ALG13: variants seen among roughly 807,000 people sequenced by gnomAD.
The protein encoded by ALG13 is ALG13 UDP-N-acetylglucosaminyltransferase subunit.
A neutral mutation model predicts 87.8 loss-of-function variants in ALG13; 11 were observed. The ratio of observed to expected loss-of-function variants is 0.13; its 90% CI spans 0.08 to 0.21. ALG13 has a LOEUF of 0.21. ALG13 is among the 10% of genes least tolerant of loss of function. The probability of loss-of-function intolerance (pLI) is 1.00; values close to 1 mark genes in which losing one functional copy is unlikely to be tolerated. For synonymous variants in ALG13, 320 were observed against 306.3 expected, an observed-to-expected ratio of 1.04 and a Z score of -0.47; for missense variants, 756 against 866.1, an observed-to-expected ratio of 0.87 and a Z score of 1.60.
intron 8 of ALG13, among the ~76,000 whole-genome samples, chrX:111,716,756 A>T (rs149925014): frequency 8.9e-6 from 1 of 111,771 alleles, no homozygotes; most frequent in East Asian, 2.8e-4. Context: ...TAGCCCAGGG[A>T]AGAGTAGGAA....
chrX:111,735,786 G>T (rs1346146773), intron 22 of ALG13, among the ~76,000 whole-genome samples: 1 of 110,917 alleles, frequency 9.0e-6, no homozygotes, highest in Non-Finnish European at 1.9e-5. Flanking sequence ...GTGGGTAGCA[G>T]CCACACTGCA....
In ALG13 at chrX:111,727,454, T is replaced by C. The variant is rs1326640982; in HGVS notation, c.2090+9T>C. 2.6e-6 allele frequency: 3 copies of C among 1,173,252 alleles called. No homozygotes were observed. Among genetic ancestry groups the C allele is most frequent in the South Asian group, 3.7e-5 (2 of 53,756 alleles). Reference sequence around the variant, plus strand: ...TTCTCTTATAGATCTCGGTAAGTATTGTGTTGAAAGTCAGAGAAAATTGGT... The same window carrying C: ...TTCTCTTATAGATCTCGGTAAGTATCGTGTTGAAAGTCAGAGAAAATTGGT... On this transcript the variant is annotated intron_variant, in intron 17 of 26. Transcript: ENST00000394780.
In ALG13 at chrX:111,681,208, G is replaced by A. The variant is rs776080960; in HGVS notation, c.-11G>A. The A allele has an allele frequency of 3.3e-6, 4 of 1,210,661 alleles. No individual in the cohort carries two copies. Among genetic ancestry groups the A allele is most frequent in the South Asian group, 1.8e-5 (1 of 56,970 alleles). On this transcript the variant is annotated 5_prime_UTR_variant, in exon 1 of 27. Transcript: ENST00000394780. ...CCGGCCCTTGCGATCAGGGCTTGAG[G>A]AACCCGCGCCATGAAGTGCGTGTTT...
chrX:111,758,027 G>T (rs1945423740), intron 26 of ALG13, among the ~76,000 whole-genome samples: 1 of 111,371 alleles, frequency 9.0e-6, no homozygotes, highest in African/African-American at 3.3e-5. Context: ...GGGTAAAACT[G>T]CTGACACCTA....
intron 21 of ALG13, among the ~76,000 whole-genome samples, chrX:111,731,443 A>G (rs1039306227): frequency 8.9e-6 from 1 of 112,046 alleles, no homozygotes; most frequent in Admixed American, 9.4e-5. Context: ...AAGGGCCCCC[A>G]ACATACTCAT....
At position 111,736,822 on chromosome X, in the gene ALG13, T is replaced by C. The variant is rs1332921845; in HGVS notation, c.2638T>C (p.Ser880Pro). The change falls in exon 23 of 27, where the codon TCC becomes CCC. Residue 880 changes from serine to proline, a missense_variant. Ser to Pro is a moderately conservative substitution (Grantham distance 74). Coordinates refer to ENST00000394780, the MANE Select transcript of ALG13 (RefSeq NM_001099922.3). ...TCAAGCTATTAGTACCACTTCAGTT[T>C]CCTCACAGAATGCTATACAGCCTCT... The part of the protein sequence containing the change: ...ANQAISTTSV[S>P]SQNAIQPLFV... 2.9e-5 allele frequency: 35 copies of C among 1,211,147 alleles called. No individual in the cohort carries two copies. The highest frequency in any genetic ancestry group is 3.9e-5 in the Non-Finnish European group (35 of 895,059).
chrX:111,698,108 G>T (rs983446402), intron 3 of ALG13, among the ~76,000 whole-genome samples: 1 of 112,016 alleles, frequency 8.9e-6, no homozygotes, highest in Non-Finnish European at 1.9e-5. Context: ...CTCTGTTCCT[G>T]CTTCTTATAG....
At chrX:111,716,148 A>G (rs1358159021) in intron 8 of ALG13, among the ~76,000 whole-genome samples, 1 of 111,418 alleles carries the variant, frequency 9.0e-6, no homozygotes, top group Non-Finnish European at 1.9e-5. Flanking sequence ...TTAAATGTAA[A>G]TGGGCCCATA....
chrX:111,690,129 A>G, intron 3 of ALG13: 2 of 752,110 alleles, frequency 2.7e-6, no homozygotes, highest in Non-Finnish European at 3.1e-6. Flanking sequence ...ATTAATCACC[A>G]CATTTACATC....
chrX:111,718,416 TGGG>T (rs1940933904), intron 10 of ALG13, 142 bp downstream of exon 10: 2 of 519,270 alleles, frequency 3.9e-6, no homozygotes, highest in South Asian at 4.4e-5. Flanking sequence ...ATATTTTTAA[TGGG>T]GGGAGAGTTT....
chrX:111,697,612 A>G (rs928996530), intron 3 of ALG13, among the ~76,000 whole-genome samples: 1 of 112,175 alleles, frequency 8.9e-6, no homozygotes, highest in Admixed American at 9.4e-5. Context: ...GGACAGTATT[A>G]AATACCTTGA....
chrX:111,757,601 G>A lies in ALG13; in HGVS notation c.2987G>A (p.Ser996Asn), dbSNP rs774470325. 25 of 1,199,180 alleles carry A rather than the reference G, an allele frequency of 2.1e-5. No individual in the cohort carries two copies. The highest frequency in any genetic ancestry group is 2.6e-5 in the Non-Finnish European group (23 of 891,272). The change falls in exon 26 of 27, where the codon AGC becomes AAC. Residue 996 changes from serine to asparagine, a missense_variant. Physicochemically the swap from Ser to Asn is conservative, Grantham distance 46. This residue lies in a region of ALG13 where 7 missense variants were observed against 28.9 expected (regional missense o/e 0.24). Coordinates refer to ENST00000394780, the MANE Select transcript of ALG13 (RefSeq NM_001099922.3). ...FNLGLQCYYH[S>N]YWHSMVYVPQ... is the part of the protein sequence containing the mutation. ...TTCTTGCTCAAGTGCTATTACCACA[G>A]CTACTGGCACTCCATGGTCTATGTG...
At chrX:111,746,663 T>C (rs1944266200) in intron 24 of ALG13, among the ~76,000 whole-genome samples, 1 of 112,367 alleles carries the variant, frequency 8.9e-6, no homozygotes, top group Admixed American at 9.4e-5. Flanking sequence ...TAGAAGTCTT[T>C]GTAAACAGAT....
At chrX:111,756,451 G>T (rs1007583107) in intron 25 of ALG13, among the ~76,000 whole-genome samples, 6 of 111,736 alleles carry the variant, frequency 5.4e-5, no homozygotes, top group African/African-American at 2.0e-4. Flanking sequence ...GCACTCATGT[G>T]TTCATAGATG....
chrX:111,708,041 C>T lies in ALG13; in HGVS notation c.398C>T (p.Pro133Leu). The T allele has an allele frequency of 1.7e-6, 2 of 1,208,546 alleles. No individual in the cohort carries two copies. Among genetic ancestry groups the T allele is most frequent in the Non-Finnish European group, 2.2e-6 (2 of 893,943 alleles). The change falls in exon 4 of 27, where the codon CCT becomes CTT. Residue 133 changes from proline (P) to leucine (L), a missense_variant. Around this residue, in one of 9 missense-constraint regions of ALG13, gnomAD observed 153 missense variants for 168.7 expected, o/e 0.91. Coordinates refer to ENST00000394780, the MANE Select transcript of ALG13 (RefSeq NM_001099922.3). Reference sequence around the variant, plus strand: ...TCTTTTCACAGGGTCCTGACTTGTCCTGGGCAAGCCAAGTCCATTGCTTCT... The same window carrying T: ...TCTTTTCACAGGGTCCTGACTTGTCTTGGGCAAGCCAAGTCCATTGCTTCT... ...FYCTCRVLTC[P>L]GQAKSIASAP...
At chrX:111,750,991 A>G (rs759534701) in intron 24 of ALG13, among the ~76,000 whole-genome samples, 1 of 110,203 alleles carries the variant, frequency 9.1e-6, no homozygotes, top group East Asian at 2.8e-4. Context: ...TTTTAAAATT[A>G]AGGTATGTAC....
In ALG13 at chrX:111,760,455, G is replaced by A. The variant is rs1399406418; in HGVS notation, c.*456G>A. On this transcript the variant is annotated 3_prime_UTR_variant, in exon 27 of 27. Transcript: ENST00000394780. ...AATATTAAATTAAAGAGCTCTTCAC[G>A]TTTCTTGAGAATTATCTGAAGCCAG... 4.3e-5 allele frequency: 5 copies of A among 116,431 alleles called. No individual in the cohort carries two copies. The East Asian group carries it at 1.4e-3, about 32-fold the overall frequency. 9.6% of individuals were successfully genotyped at this position (116,431 alleles called of 1,213,427 possible). A position where few individuals can be genotyped will look rare whatever the true frequency, so the allele number is the denominator to read the frequency against.
chrX:111,695,380 C>T (rs1024102771), intron 3 of ALG13, among the ~76,000 whole-genome samples: 2 of 110,483 alleles, frequency 1.8e-5, no homozygotes, highest in Admixed American at 9.6e-5. Flanking sequence ...AAAACTAGCC[C>T]GGCTTGGTGG....
chrX:111,739,164 T>C (rs1943533792), intron 23 of ALG13, among the ~76,000 whole-genome samples: 1 of 111,616 alleles, frequency 9.0e-6, no homozygotes, highest in South Asian at 3.7e-4. Flanking sequence ...TGGCGGAAAG[T>C]GAAGGGAAAG....
Sources: gnomAD v4.1 joint callset for allele counts (sites outside exome capture counted in the v4.1 genomes callset) on GRCh38, gnomAD v4.1.1 for gene constraint, gnomAD v4.1.1 regional missense constraint, MANE v1.5 for transcripts, NCBI Gene and HGNC (gene_info 2026-07-23, HGNC 2026-07-21) for gene names.